AGBL1: variants seen among roughly 807,000 people sequenced by gnomAD.
The protein encoded by AGBL1 is cytosolic carboxypeptidase 4.
A neutral mutation model predicts 118.9 loss-of-function variants in AGBL1; 130 were observed. The ratio of observed to expected loss-of-function variants is 1.09; its 90% CI spans 0.95 to 1.26. AGBL1 has a LOEUF of 1.26. Ranked by LOEUF, AGBL1 falls within the 50% of genes most tolerant of loss-of-function variation. The pLI is 0.00. For missense variants in AGBL1, 1,584 were observed against 1,298.1 expected (o/e 1.22, Z -3.38); for synonymous variants, 555 against 478.9 (o/e 1.16, Z -2.08).
At chr15:86,890,496 A>G (rs2080037974) in intron 22 of AGBL1, among the ~76,000 whole-genome samples, 1 of 152,010 alleles carries the variant, frequency 6.6e-6, no homozygotes, top group South Asian at 2.1e-4. Flanking sequence ...GGTACTGCCT[A>G]TATTTTCTTC....
intron 22 of AGBL1, among the ~76,000 whole-genome samples, chr15:86,859,400 T>TGAAA: frequency 1.3e-5 from 2 of 152,254 alleles, no homozygotes; most frequent in Middle Eastern, 6.8e-3. Flanking sequence ...TGAGCTAAGG[T>TGAAA]GAAAACTCCT....
At chr15:86,429,729 T>C (rs574615886) in intron 18 of AGBL1, among the ~76,000 whole-genome samples, 39 of 152,392 alleles carry the variant, frequency 2.6e-4, no homozygotes, top group African/African-American at 8.7e-4. Context: ...AATGAATTCC[T>C]TGCAGGACAT....
At chr15:86,974,858 C>T (rs1596695066) in intron 23 of AGBL1, among the ~76,000 whole-genome samples, 1 of 151,674 alleles carries the variant, frequency 6.6e-6, no homozygotes, top group Non-Finnish European at 1.5e-5. Flanking sequence ...AGTAAATTGA[C>T]AGGAGAGAAA....
chr15:86,158,992 A>G lies in AGBL1; in HGVS notation c.454A>G (p.Thr152Ala). The change falls in exon 5 of 23, where the codon ACT becomes GCT. Residue 152 changes from threonine (T) to alanine (A), a missense_variant. By Grantham distance (58) the Thr-to-Ala change is moderately conservative. Transcript: ENST00000614907. ...CATGGAACTGCTTTTCAAGGTTATT[A>G]CTCCTTACACCCGAAAGCGCACCCA... ...GAMELLFKVITPYTRKRTQAI... is the reference protein window; with the variant it reads ...GAMELLFKVIAPYTRKRTQAI... 1 of 1,613,184 alleles carries G rather than the reference A, an allele frequency of 6.2e-7. No homozygotes were observed. Among genetic ancestry groups the G allele is most frequent in the Middle Eastern group, 1.7e-4 (1 of 6,058 alleles).
At chr15:86,205,012 C>G (rs1206510768) in intron 5 of AGBL1, among the ~76,000 whole-genome samples, 1 of 152,172 alleles carries the variant, frequency 6.6e-6, no homozygotes, top group Non-Finnish European at 1.5e-5. Flanking sequence ...ATGAATCTAC[C>G]ATTATAGTAT....
At chr15:86,844,040 A>G (rs892352126) in intron 22 of AGBL1, among the ~76,000 whole-genome samples, 2 of 152,150 alleles carry the variant, frequency 1.3e-5, no homozygotes, top group Non-Finnish European at 2.9e-5. Context: ...AGATTCATCT[A>G]TCTTATAGCA....
chr15:86,117,682 CAA>C (rs1424434046), intron 1 of AGBL1, among the ~76,000 whole-genome samples: 3 of 152,288 alleles, frequency 2.0e-5, no homozygotes, highest in Non-Finnish European at 4.4e-5. Flanking sequence ...CTGTTTTAAT[CAA>C]AAGTTTCCCT....
chr15:86,574,917 G>A (rs1319958477), intron 21 of AGBL1, among the ~76,000 whole-genome samples: 13 of 151,928 alleles, frequency 8.6e-5, no homozygotes, highest in South Asian at 2.1e-4. Context: ...ATGGCTGGGC[G>A]TGGTGACTCA....
intron 17 of AGBL1, among the ~76,000 whole-genome samples, chr15:86,353,113 A>C (rs1229004090): frequency 6.6e-6 from 1 of 152,184 alleles, no homozygotes; most frequent in East Asian, 1.9e-4. Context: ...TTTAGATGTG[A>C]TTTCCAATTA....
chr15:86,677,458 A>G (rs77129197), intron 22 of AGBL1, among the ~76,000 whole-genome samples: 3,264 of 152,224 alleles, frequency 0.021, 80 homozygotes, highest in African/African-American at 0.065. Context: ...GCACTGCAGG[A>G]ATGCTAAGCT....
intron 22 of AGBL1, among the ~76,000 whole-genome samples, chr15:86,776,696 TC>T (rs1166037203): frequency 2.6e-5 from 4 of 151,584 alleles, no homozygotes; most frequent in Admixed American, 6.6e-5. Context: ...TGGATAGCAT[TC>T]CTGATTCATA....
At chr15:86,944,827 C>G (rs949914275) in intron 23 of AGBL1, among the ~76,000 whole-genome samples, 2 of 152,130 alleles carry the variant, frequency 1.3e-5, no homozygotes, top group African/African-American at 4.8e-5. Flanking sequence ...AAGTAAGAAT[C>G]TTTAAGATAG....
intron 24 of AGBL1, among the ~76,000 whole-genome samples, chr15:87,004,448 T>C (rs900427551): frequency 2.0e-5 from 3 of 152,224 alleles, no homozygotes; most frequent in South Asian, 4.1e-4. Flanking sequence ...TGTAATGGCC[T>C]TCCTTGTCTC....
chr15:86,174,769 T>G (rs919413387), intron 5 of AGBL1, among the ~76,000 whole-genome samples: 1 of 152,186 alleles, frequency 6.6e-6, no homozygotes, highest in Non-Finnish European at 1.5e-5. Flanking sequence ...GGTTTTTATC[T>G]TCCATTCTGT....
At chr15:86,150,193 C>T (rs1180792627) in intron 3 of AGBL1, among the ~76,000 whole-genome samples, 1 of 152,170 alleles carries the variant, frequency 6.6e-6, no homozygotes, top group Non-Finnish European at 1.5e-5. Flanking sequence ...CTATAATCAA[C>T]ACCCTAACAT....
chr15:86,860,365 C>T (rs2079544089), intron 22 of AGBL1, among the ~76,000 whole-genome samples: 1 of 151,828 alleles, frequency 6.6e-6, no homozygotes, highest in Admixed American at 6.6e-5. Flanking sequence ...CCCTTCATTC[C>T]TTTTGTGTCA....
chr15:86,629,873 G>A (rs530295683), intron 21 of AGBL1, among the ~76,000 whole-genome samples: 8 of 152,282 alleles, frequency 5.3e-5, no homozygotes, highest in African/African-American at 1.9e-4. Context: ...CAGATGAAGA[G>A]GAACAATTTG....
At chr15:86,768,270 C>T (rs1423799093) in intron 22 of AGBL1, among the ~76,000 whole-genome samples, 3 of 151,990 alleles carry the variant, frequency 2.0e-5, no homozygotes, top group Admixed American at 6.6e-5. Flanking sequence ...TCTCCATACC[C>T]TTCCCATTGC....
intron 1 of AGBL1, chr15:86,109,764 A>G (rs1352751575): frequency 6.6e-6 from 1 of 152,212 alleles, no homozygotes; most frequent in African/African-American, 2.4e-5. Flanking sequence ...TTTCTCCTCC[A>G]TGACTCACAT....
Sources: allele counts gnomAD v4.1 joint callset (sites outside exome capture counted in the v4.1 genomes callset), GRCh38; gene constraint gnomAD v4.1.1; transcripts MANE v1.5; gene names NCBI Gene and HGNC (gene_info 2026-07-23, HGNC 2026-07-21).